LHFPL3: variants seen among roughly 807,000 people sequenced by gnomAD.
LHFPL3 encodes LHFPL tetraspan subfamily member 3 protein.
In LHFPL3, 5 loss-of-function variants were observed where a neutral mutation model predicts 19.3. The ratio of observed to expected loss-of-function variants is 0.26; its 90% confidence interval spans 0.14 to 0.54. The LOEUF is 0.54. Among genes scored for constraint, LHFPL3 ranks in the 20% least tolerant of loss-of-function variants. LHFPL3 has a pLI of 0.94. For missense variants in LHFPL3, 249 were observed against 307.4 expected (o/e 0.81, Z 1.42); for synonymous variants, 133 against 126.2 (o/e 1.05, Z -0.36).
chr7:104,609,137 C>T (rs1329835073), intron 1 of LHFPL3, among the ~76,000 whole-genome samples: 1 of 151,946 alleles, frequency 6.6e-6, no homozygotes, highest in African/African-American at 2.4e-5. Context: ...TGGTGGTGCG[C>T]ACCTGTAATC....
chr7:104,453,865 C>T (rs1236397468), intron 1 of LHFPL3, among the ~76,000 whole-genome samples: 1 of 152,124 alleles, frequency 6.6e-6, no homozygotes, highest in Non-Finnish European at 1.5e-5. Context: ...TGTTCCTGCT[C>T]CCCCATCGCC....
chr7:104,895,380 T>C (rs750080767), intron 2 of LHFPL3: 1 of 152,230 alleles, frequency 6.6e-6, no homozygotes, highest in Non-Finnish European at 1.5e-5. Flanking sequence ...TCTTATCAGC[T>C]ACTGACCCAG....
intron 1 of LHFPL3, among the ~76,000 whole-genome samples, chr7:104,562,956 G>C (rs925398377): frequency 1.3e-5 from 2 of 152,178 alleles, no homozygotes; most frequent in Non-Finnish European, 2.9e-5. Flanking sequence ...AGGTGTCAGT[G>C]TGCCTCTGCT....
At chr7:104,426,596 A>G (rs1791850774) in intron 1 of LHFPL3, among the ~76,000 whole-genome samples, 1 of 152,216 alleles carries the variant, frequency 6.6e-6, no homozygotes, top group South Asian at 2.1e-4. Flanking sequence ...GAAGCTCTTA[A>G]AATAAATGAA....
At chr7:104,462,227 C>T (rs1267048563) in intron 1 of LHFPL3, among the ~76,000 whole-genome samples, 4 of 152,156 alleles carry the variant, frequency 2.6e-5, no homozygotes, top group Non-Finnish European at 5.9e-5. Flanking sequence ...ATGTGATGCC[C>T]TTTATTTCTT....
At chr7:104,685,471 C>T (rs1792787496) in intron 1 of LHFPL3, among the ~76,000 whole-genome samples, 1 of 152,230 alleles carries the variant, frequency 6.6e-6, no homozygotes, top group South Asian at 2.1e-4. Flanking sequence ...CACACACATT[C>T]AGAGGCAATA....
At chr7:104,571,026 C>CT (rs996732397) in intron 1 of LHFPL3, among the ~76,000 whole-genome samples, 1 of 152,092 alleles carries the variant, frequency 6.6e-6, no homozygotes, top group Non-Finnish European at 1.5e-5. Context: ...GTAAAAAGAG[C>CT]TTTTTTGGAG....
chr7:104,767,110 A>G (rs1794468689), intron 2 of LHFPL3, among the ~76,000 whole-genome samples: 1 of 152,240 alleles, frequency 6.6e-6, no homozygotes, highest in Non-Finnish European at 1.5e-5. Flanking sequence ...ATTAAATGCG[A>G]TAAGGTAGGA....
At chr7:104,640,853 A>C (rs1473253132) in intron 1 of LHFPL3, among the ~76,000 whole-genome samples, 3 of 152,230 alleles carry the variant, frequency 2.0e-5, no homozygotes, top group African/African-American at 2.4e-5. Context: ...ATGATCTTGG[A>C]CACTTGGCAG....
intron 2 of LHFPL3, among the ~76,000 whole-genome samples, chr7:104,777,640 C>A (rs1002782093): frequency 1.3e-5 from 2 of 152,212 alleles, no homozygotes; most frequent in Non-Finnish European, 2.9e-5. Context: ...TGCCTGATTG[C>A]CAGCACTACA....
intron 2 of LHFPL3, among the ~76,000 whole-genome samples, chr7:104,839,991 ATAT>A (rs1337777764): frequency 1.2e-4 from 18 of 151,776 alleles, no homozygotes; most frequent in Admixed American, 3.3e-4. Context: ...TGGATAATTA[ATAT>A]TATTAATTGA....
At chr7:104,652,811 T>C (rs775063238) in intron 1 of LHFPL3, among the ~76,000 whole-genome samples, 1 of 149,114 alleles carries the variant, frequency 6.7e-6, no homozygotes, top group Non-Finnish European at 1.5e-5. Flanking sequence ...TAGGGAAAAC[T>C]GAGCTCAATT....
intron 1 of LHFPL3, among the ~76,000 whole-genome samples, chr7:104,363,300 T>C (rs1386731435): frequency 6.6e-6 from 1 of 152,262 alleles, no homozygotes; most frequent in Non-Finnish European, 1.5e-5. Flanking sequence ...CCCACTGTAA[T>C]AATCTTTGCA....
intron 1 of LHFPL3, among the ~76,000 whole-genome samples, chr7:104,580,657 T>C (rs1166653085): frequency 1.3e-5 from 2 of 152,062 alleles, no homozygotes; most frequent in Admixed American, 6.6e-5. Context: ...TATAAAGATA[T>C]AGAACATTTC....
chr7:104,885,833 G>A (rs192620649), intron 2 of LHFPL3, among the ~76,000 whole-genome samples: 3 of 150,640 alleles, frequency 2.0e-5, no homozygotes, highest in African/African-American at 7.3e-5. Flanking sequence ...AATTCAAAAT[G>A]CCTCACCATT....
chr7:104,516,955 C>T (rs540583425), intron 1 of LHFPL3, among the ~76,000 whole-genome samples: 8 of 152,240 alleles, frequency 5.3e-5, no homozygotes, highest in African/African-American at 1.9e-4. Context: ...CCATGGAATA[C>T]TATGCAGTCA....
intron 2 of LHFPL3, among the ~76,000 whole-genome samples, chr7:104,778,511 A>G (rs1262083379): frequency 6.6e-6 from 1 of 152,222 alleles, no homozygotes; most frequent in Non-Finnish European, 1.5e-5. Context: ...CCCAAGTGGA[A>G]TTAAAACCCT....
rs190399525 is a variant in LHFPL3, at chr7:104,616,736, G to T, written c.446-119939G>T. Among the ~76,000 whole-genome samples, 324 of 152,122 alleles carry T rather than the reference G, an allele frequency of 2.1e-3. 2 individuals are homozygous for T. Among genetic ancestry groups the T allele is most frequent in the Middle Eastern group, 0.014 (4 of 294 alleles). ...TGGGAGAAAATTTTTCCATTCTGTA[G>T]GTTGGCAATCTATCCATCTGACAAA... On this transcript the variant is annotated intron_variant, in intron 1 of 2. Coordinates refer to ENST00000424859, the MANE Select transcript of LHFPL3 (RefSeq NM_199000.3).
intron 1 of LHFPL3, among the ~76,000 whole-genome samples, chr7:104,713,255 T>G (rs1252288512): frequency 6.6e-6 from 1 of 152,210 alleles, no homozygotes; most frequent in East Asian, 1.9e-4. Context: ...GTGTAACATG[T>G]TGGAATGTAT....
Sources: gnomAD v4.1 joint callset for allele counts (sites outside exome capture counted in the v4.1 genomes callset) on GRCh38, gnomAD v4.1.1 for gene constraint, MANE v1.5 for transcripts, NCBI Gene and HGNC (gene_info 2026-07-23, HGNC 2026-07-21) for gene names.